Variants in EEF1AKMT2 observed in about 807,000 individuals in gnomAD.
The protein encoded by EEF1AKMT2 is EEF1A lysine methyltransferase 2.
EEF1AKMT2 carries 32 observed loss-of-function variants against 35.8 expected under a neutral mutation model. The ratio of observed to expected loss-of-function variants is 0.89; its 90% CI spans 0.67 to 1.20. EEF1AKMT2 has a LOEUF of 1.20. Ranked by LOEUF, EEF1AKMT2 falls within the 50% of genes most tolerant of loss-of-function variation. The pLI, the probability that EEF1AKMT2 is intolerant of heterozygous loss-of-function variation, is 0.00. For synonymous variants in EEF1AKMT2, 121 were observed against 133.7 expected (o/e 0.91, Z 0.65); for missense variants, 330 against 347.5 (o/e 0.95, Z 0.40).
chr10:124,790,170 G>A, intron 2 of EEF1AKMT2, 103 bp downstream of exon 2: 3 of 858,786 alleles, frequency 3.5e-6, no homozygotes, highest in South Asian at 1.4e-5. Context: ...TGGGATTACA[G>A]GCGTAAGCCA....
rs146879084 is a variant in EEF1AKMT2, at chr10:124,790,330, G to A, written c.119C>T (p.Ala40Val). The A allele has an allele frequency of 3.2e-4, 512 of 1,608,864 alleles. 2 individuals are homozygous for A. In the African/African-American group the frequency reaches 6.2e-3, roughly 19 times the overall value. ...AGTTTGCAGTTCTCTCTCATAGACA[G>A]CATCCCAACTATGTAAACAATGAAA... is the stretch of plus-strand genomic sequence containing the variant. ...SALGTREHWD[A>V]VYERELQTFR... Residue 40 changes from alanine to valine, a missense_variant, in exon 2 of 7, where the codon GCT becomes GTT. Coordinates refer to ENST00000368836, the MANE Select transcript of EEF1AKMT2 (RefSeq NM_212554.4).
At chr10:124,785,246 C>CAA (rs35915292) in intron 3 of EEF1AKMT2, among the ~76,000 whole-genome samples, 9,119 of 61,298 alleles carry the variant, frequency 0.15, 1,034 homozygotes, top group African/African-American at 0.27. Flanking sequence ...GACTCCGTCT[C>CAA]AAAAAAAAAA....
chr10:124,770,778 T>C (rs914939156), intron 4 of EEF1AKMT2, among the ~76,000 whole-genome samples: 2 of 152,232 alleles, frequency 1.3e-5, no homozygotes, highest in Admixed American at 1.3e-4. Flanking sequence ...TTTTCAACAA[T>C]GTTCACAGTA....
rs753380260 is a variant in EEF1AKMT2, at chr10:124,774,784, TAGAG to T, written c.292-6_292-3del. ...AATATTAGAGAAACCAAATTTTGCC[TAGAG>T]AGAAATAATTTTATACTTTAGTATA... is the stretch of plus-strand genomic sequence containing the variant. On this transcript the variant is annotated splice_region_variant and splice_polypyrimidine_tract_variant and intron_variant, in intron 3 of 6. Coordinates refer to ENST00000368836, the MANE Select transcript of EEF1AKMT2 (RefSeq NM_212554.4). 1.5e-5 allele frequency: 20 copies of T among 1,360,864 alleles called. No individual in the cohort carries two copies. The South Asian group carries it at 2.7e-4, about 19-fold the overall frequency. 84.3% of individuals were successfully genotyped at this position (1,360,864 alleles called of 1,614,324 possible).
intron 4 of EEF1AKMT2, among the ~76,000 whole-genome samples, chr10:124,774,153 A>C (rs1437814340): frequency 6.6e-6 from 1 of 152,060 alleles, no homozygotes; most frequent in Non-Finnish European, 1.5e-5. Flanking sequence ...AGATCACGAG[A>C]TCAGGAGATC....
At chr10:124,756,749 G>A (rs569761436), downstream of EEF1AKMT2, among the ~76,000 whole-genome samples, 3 of 152,272 alleles carry the variant, frequency 2.0e-5, no homozygotes, top group Admixed American at 2.0e-4. Context: ...CCATTGTAGA[G>A]CTGGTTTTAT....
Position 124,759,064 on chromosome 10 carries a change from T to A in EEF1AKMT2, c.*1439A>T, listed in dbSNP as rs1198560689. ...AGACTTACTCAATACAGGAGTAACA[T>A]TTGCCAAACAAAAAGTCACTTATGT... is the stretch of plus-strand genomic sequence containing the variant. On this transcript the variant is annotated 3_prime_UTR_variant, in exon 7 of 7. Transcript: ENST00000368836. 6.6e-6 allele frequency: 1 copy of A among 152,092 alleles called. No homozygotes were observed. The highest frequency in any genetic ancestry group is 1.9e-4 in the East Asian group (1 of 5,198). 9.4% of individuals were successfully genotyped at this position (152,092 alleles called of 1,614,324 possible).
intron 2 of EEF1AKMT2, among the ~76,000 whole-genome samples, chr10:124,789,378 C>A (rs1205244096): frequency 6.6e-6 from 1 of 152,196 alleles, no homozygotes; most frequent in Non-Finnish European, 1.5e-5. Flanking sequence ...TTCTCTATAT[C>A]AGCATTAACA....
At chr10:124,783,040 A>G in intron 3 of EEF1AKMT2, 1 of 373,538 alleles carries the variant, frequency 2.7e-6, no homozygotes, top group Non-Finnish European at 5.2e-6. Context: ...TAACATGTAA[A>G]AACTAAACAA....
At chr10:124,788,253 C>T (rs1250890878) in intron 3 of EEF1AKMT2, among the ~76,000 whole-genome samples, 2 of 152,156 alleles carry the variant, frequency 1.3e-5, no homozygotes, top group Non-Finnish European at 2.9e-5. Flanking sequence ...ATATTTACTC[C>T]TCCAAGATGC....
chr10:124,778,409 G>A (rs1040262758), intron 3 of EEF1AKMT2, among the ~76,000 whole-genome samples: 2 of 152,122 alleles, frequency 1.3e-5, no homozygotes, highest in African/African-American at 2.4e-5. Context: ...ACACATCATA[G>A]TGTATCTGAT....
At chr10:124,780,130 T>G (rs1246978700) in intron 3 of EEF1AKMT2, among the ~76,000 whole-genome samples, 1 of 152,156 alleles carries the variant, frequency 6.6e-6, no homozygotes, top group East Asian at 1.9e-4. Context: ...ACAGTCTCTG[T>G]TACAACCAGT....
intron 4 of EEF1AKMT2, among the ~76,000 whole-genome samples, chr10:124,772,420 C>CTTTTTTTTT (rs59707540): frequency 1.6e-4 from 12 of 75,406 alleles, no homozygotes; most frequent in Admixed American, 2.2e-4. Flanking sequence ...TTTTCTTTTT[C>CTTTTTTTTT]TTTTTTTTTT....
At chr10:124,785,005 T>C (rs1001661151) in intron 3 of EEF1AKMT2, among the ~76,000 whole-genome samples, 4 of 151,336 alleles carry the variant, frequency 2.6e-5, no homozygotes, top group African/African-American at 9.7e-5. Context: ...CCCCAGCACT[T>C]TGGGGAGCCA....
chr10:124,787,038 C>A (rs112172847), intron 3 of EEF1AKMT2, among the ~76,000 whole-genome samples: 20,794 of 151,530 alleles, frequency 0.14, 1,641 homozygotes, highest in African/African-American at 0.2. Context: ...CTCCACCTCC[C>A]GGGTTCACAC....
chr10:124,787,003 C>T (rs2134143915), intron 3 of EEF1AKMT2, among the ~76,000 whole-genome samples: 1 of 151,534 alleles, frequency 6.6e-6, no homozygotes, highest in East Asian at 2.0e-4. Context: ...CTCTGTCGCC[C>T]AGGCTGATCT....
chr10:124,777,582 C>T (rs1318427462), intron 3 of EEF1AKMT2, among the ~76,000 whole-genome samples: 4 of 151,688 alleles, frequency 2.6e-5, no homozygotes, highest in African/African-American at 4.8e-5. Flanking sequence ...TGCAGTAGCA[C>T]AATCATGGCT....
intron 5 of EEF1AKMT2, 116 bp downstream of exon 5, chr10:124,765,276 C>G: frequency 1.3e-6 from 1 of 789,872 alleles, no homozygotes; most frequent in Admixed American, 2.4e-5. Flanking sequence ...GAGAAAAAAG[C>G]AGGCAATTCC....
chr10:124,791,798 C>G lies in EEF1AKMT2; in HGVS notation c.36G>C (p.Ala12=). ...SSGADGGGGA[A]VAARSDKGSP... is the part of the protein sequence containing the mutation. ...TGCCCTTGTCCGACCGCGCCGCCACCGCAGCGCCACCGCCGCCGTCAGCGC... is the reference window on the plus strand; with the variant it reads ...TGCCCTTGTCCGACCGCGCCGCCACGGCAGCGCCACCGCCGCCGTCAGCGC... Residue 12 remains alanine, a synonymous_variant, in exon 1 of 7, where the codon GCG becomes GCC. Transcript: ENST00000368836. 1.9e-6 allele frequency: 3 copies of G among 1,589,984 alleles called. No homozygotes were observed. Among genetic ancestry groups the G allele is most frequent in the Non-Finnish European group, 2.6e-6 (3 of 1,173,398 alleles).
Sources: allele counts gnomAD v4.1 joint callset (sites outside exome capture counted in the v4.1 genomes callset), GRCh38; gene constraint gnomAD v4.1.1; transcripts MANE v1.5; gene names NCBI Gene and HGNC (gene_info 2026-07-23, HGNC 2026-07-21).